ZNF208: variants seen among roughly 807,000 people sequenced by gnomAD.
ZNF208 encodes the protein zinc finger protein 95.
In ZNF208, 10 loss-of-function variants were observed where a neutral mutation model predicts 12.1. That is an observed-to-expected ratio of 0.83 (90% CI 0.51 to 1.40). The LOEUF (loss-of-function observed/expected upper bound fraction) is 1.40. Among genes scored for constraint, ZNF208 ranks in the 40% most tolerant of loss-of-function variants. The probability of loss-of-function intolerance (pLI) is 0.00; values close to 1 mark genes in which losing one functional copy is unlikely to be tolerated. For synonymous variants in ZNF208, 497 were observed against 488.4 expected, an observed-to-expected ratio of 1.02 and a Z score of -0.23; for missense variants, 1,652 against 1,485.0, an observed-to-expected ratio of 1.11 and a Z score of -1.85.
At chr19:21,964,462 T>C (rs991328771), downstream of ZNF208, among the ~76,000 whole-genome samples, 1 of 151,722 alleles carries the variant, frequency 6.6e-6, no homozygotes, top group African/African-American at 2.4e-5. Flanking sequence ...AATTTTAATA[T>C]ATATTTTTAA....
In ZNF208 at chr19:21,971,346, A is replaced by G. The variant is rs751292999; in HGVS notation, c.3688T>C (p.Cys1230Arg). The change falls in exon 4 of 4, where the codon TGT becomes CGT. Residue 1230 changes from cysteine (C) to arginine (R), a missense_variant. Physicochemically the swap from Cys to Arg is radical, Grantham distance 180 (BLOSUM62 -3). Transcript: ENST00000397126. ...GAGAACGTACTAAAGGCTTTGCCAC[A>G]TTCTTCACATTTGTAGGGTTTCTCT... ...TGEKPYKCEE[C>R]GKAFSTFSIL... 2 of 1,611,098 alleles carry G rather than the reference A, an allele frequency of 1.2e-6. No individual in the cohort carries two copies. The highest frequency in any genetic ancestry group is 1.7e-5 in the Admixed American group (1 of 59,854).
rs1314831454 is a variant in ZNF208, at chr19:21,971,299, T to G, written c.3735A>C (p.Val1245=). 1 of 1,612,158 alleles carries G rather than the reference T, an allele frequency of 6.2e-7. No homozygotes were observed. Among genetic ancestry groups the G allele is most frequent in the Non-Finnish European group, 8.5e-7 (1 of 1,179,932 alleles). Residue 1245 remains valine (V), a synonymous_variant, in exon 4 of 4, where the codon GTA becomes GTC. Transcript: ENST00000397126. ...TGTAGGGTTTCTCTCCAGTATGAAT[T>G]ACCTTATGTTTAGTGAGGATTGAGA... ...STFSILTKHK[V]IHTGEKPYKC... is the part of the protein sequence containing the mutation.
chr19:21,974,752 A>C lies in ZNF208; in HGVS notation c.282T>G (p.Ser94=). ...ACCTTCTCAATATCACTTTTTGGAA[A>C]GAATCTTCTATGCCCTGCTCTGGCC... The part of the protein sequence containing the change: ...DLWPEQGIED[S]FQKVILRRYE... The change falls in exon 4 of 4, where the codon TCT becomes TCG. Residue 94 remains serine, a synonymous_variant. Transcript: ENST00000397126. 6.2e-7 allele frequency: 1 copy of C among 1,609,918 alleles called. No homozygotes were observed. The highest frequency in any genetic ancestry group is 1.7e-5 in the Admixed American group (1 of 59,596).
At chr19:21,997,332 A>G (rs1970855265) in intron 1 of ZNF208, among the ~76,000 whole-genome samples, 1 of 152,230 alleles carries the variant, frequency 6.6e-6, no homozygotes, top group African/African-American at 2.4e-5. Context: ...CAATGACAAA[A>G]TAAACTTTTC....
At chr19:21,956,222 C>T (rs1007442398) in intron 4 of ZNF208, among the ~76,000 whole-genome samples, 1 of 152,186 alleles carries the variant, frequency 6.6e-6, no homozygotes, top group African/African-American at 2.4e-5. Flanking sequence ...GGGCACCCGG[C>T]TGTATGAGGT....
chr19:21,951,006 C>T (rs1394224847), intron 4 of ZNF208, among the ~76,000 whole-genome samples: 1 of 152,162 alleles, frequency 6.6e-6, no homozygotes, highest in African/African-American at 2.4e-5. Flanking sequence ...GCTGTAGTGC[C>T]TCTTGGTTCA....
intron 3 of ZNF208, among the ~76,000 whole-genome samples, chr19:21,986,450 TGAG>T (rs955869294): frequency 1.3e-5 from 2 of 152,114 alleles, no homozygotes; most frequent in South Asian, 2.1e-4. Flanking sequence ...CAAATTTAAC[TGAG>T]GAGTTGAAAA....
intron 4 of ZNF208, among the ~76,000 whole-genome samples, chr19:21,958,899 C>T (rs1970019452): frequency 6.6e-6 from 1 of 152,052 alleles, no homozygotes; most frequent in Admixed American, 6.6e-5. Context: ...GAGCCCCTAA[C>T]CCACGAGTCA....
Position 21,973,959 on chromosome 19 carries a change from G to C in ZNF208, c.1075C>G (p.His359Asp), listed in dbSNP as rs751270147. Reference protein sequence around the residue: ...AFSKFSILTKHKVIHTGEKPY... With the variant: ...AFSKFSILTKDKVIHTGEKPY... The stretch of plus-strand genomic sequence containing the variant: ...TTCTCTCCAGTATGAATTACCTTAT[G>C]TTTAGTAAGGATTGAGAACTTACTA... Residue 359 changes from histidine to aspartate, a missense_variant, in exon 4 of 4, where the codon CAT becomes GAT. Transcript: ENST00000397126. 1 of 1,613,344 alleles carries C rather than the reference G, an allele frequency of 6.2e-7. No homozygotes were observed. Among genetic ancestry groups the C allele is most frequent in the Admixed American group, 1.7e-5 (1 of 59,894 alleles).
chr19:21,979,959 A>G (rs1970506228), intron 3 of ZNF208, among the ~76,000 whole-genome samples: 1 of 152,234 alleles, frequency 6.6e-6, no homozygotes, highest in African/African-American at 2.4e-5. Context: ...TTAAACCAAC[A>G]AAGATCAAAA....
At chr19:21,976,366 GA>G (rs1970430768) in intron 3 of ZNF208, among the ~76,000 whole-genome samples, 1 of 151,962 alleles carries the variant, frequency 6.6e-6, no homozygotes, top group Admixed American at 6.6e-5. Flanking sequence ...TATACATACA[GA>G]AAAGAAAACT....
chr19:21,975,305 T>C (rs1381640487), intron 3 of ZNF208, among the ~76,000 whole-genome samples: 1 of 152,174 alleles, frequency 6.6e-6, no homozygotes, highest in Non-Finnish European at 1.5e-5. Context: ...TACTTAGAAA[T>C]GACAGTTTGA....
chr19:21,977,879 A>T (rs1049291527), intron 3 of ZNF208, among the ~76,000 whole-genome samples: 6 of 152,170 alleles, frequency 3.9e-5, no homozygotes, highest in Admixed American at 3.9e-4. Flanking sequence ...CCACCTGGGA[A>T]GCTCGAGCTT....
At position 21,971,849 on chromosome 19, in the gene ZNF208, C is replaced by G; in HGVS notation, c.3185G>C (p.Cys1062Ser). 6.2e-7 allele frequency: 1 copy of G among 1,613,566 alleles called. No individual in the cohort carries two copies. Among genetic ancestry groups the G allele is most frequent in the Non-Finnish European group, 8.5e-7 (1 of 1,179,710 alleles). ...TGAGGGCCAGCTGAAGGCTTTGCCA[C>G]ATTCTTCACATTTGTAGGGTTTTTC... ...AGEKPYKCEE[C>S]GKAFSWPSRL... is the part of the protein sequence containing the mutation. The change falls in exon 4 of 4, where the codon TGT becomes TCT. Residue 1062 changes from cysteine (C) to serine (S), a missense_variant. This residue lies in a region of ZNF208 where 1,239 missense variants were observed against 1,086.2 expected (regional missense o/e 1.14). Transcript: ENST00000397126.
intron 4 of ZNF208, among the ~76,000 whole-genome samples, chr19:21,956,760 G>C (rs1969985332): frequency 6.6e-6 from 1 of 152,122 alleles, no homozygotes; most frequent in South Asian, 2.1e-4. Flanking sequence ...GCTAGGAAAG[G>C]GATTACCCCA....
chr19:21,976,919 C>T (rs1001903455), intron 3 of ZNF208, among the ~76,000 whole-genome samples: 4 of 151,454 alleles, frequency 2.6e-5, no homozygotes, highest in African/African-American at 9.7e-5. Flanking sequence ...TCAGTTGAAA[C>T]CTAATGTTAA....
chr19:21,977,842 C>T (rs1314737452), intron 3 of ZNF208, among the ~76,000 whole-genome samples: 1 of 152,218 alleles, frequency 6.6e-6, no homozygotes, highest in African/African-American at 2.4e-5. Flanking sequence ...GCTTGAAATT[C>T]TGGCTGCAAG....
Position 21,970,105 on chromosome 19 carries a change from T to C in ZNF208, c.*1086A>G, listed in dbSNP as rs1231573937. The stretch of plus-strand genomic sequence containing the variant: ...TGTCATATTCTTCACTTTTCTAGGA[T>C]TTCTCATCTGTACGATTTCTTTTAT... On this transcript the variant is annotated 3_prime_UTR_variant, in exon 4 of 4. Transcript: ENST00000397126. 6.6e-6 allele frequency among the ~76,000 whole-genome samples: 1 copy of C among 152,232 alleles called. No homozygotes were observed. Among genetic ancestry groups the C allele is most frequent in the Non-Finnish European group, 1.5e-5 (1 of 68,032 alleles).
intron 3 of ZNF208, among the ~76,000 whole-genome samples, chr19:21,982,173 C>A (rs1455905145): frequency 4.6e-5 from 7 of 151,790 alleles, no homozygotes. Flanking sequence ...CTGGCTAACA[C>A]TGTGAAACCC....
Sources: gnomAD v4.1 joint callset for allele counts (sites outside exome capture counted in the v4.1 genomes callset) on GRCh38, gnomAD v4.1.1 for gene constraint, gnomAD v4.1.1 regional missense constraint, MANE v1.5 for transcripts, NCBI Gene and HGNC (gene_info 2026-07-23, HGNC 2026-07-21) for gene names.